The following PDSS2 variants were observed in gnomAD, a reference collection of about 807,000 sequenced individuals.
PDSS2 encodes all trans-polyprenyl-diphosphate synthase PDSS2.
PDSS2 carries 31 observed loss-of-function variants against 44.5 expected under a neutral mutation model. The observed-to-expected ratio is 0.70, with a 90% CI of 0.52 to 0.94. PDSS2 has a LOEUF of 0.94. Ranked by LOEUF, PDSS2 falls within the 40% of genes least tolerant of loss-of-function variation. PDSS2 has a pLI of 0.00. For synonymous variants in PDSS2, 157 were observed against 180.3 expected, an observed-to-expected ratio of 0.87 and a Z score of 1.03; for missense variants, 452 against 482.2, an observed-to-expected ratio of 0.94 and a Z score of 0.59.
intron 1 of PDSS2, among the ~76,000 whole-genome samples, chr6:107,406,803 T>TA (rs1562519554): frequency 1.3e-5 from 2 of 152,202 alleles, no homozygotes; most frequent in Non-Finnish European, 2.9e-5. Context: ...ACTATACTCT[T>TA]AAAGTTAAGC....
chr6:107,303,293 T>C (rs1240901491), intron 2 of PDSS2, among the ~76,000 whole-genome samples: 1 of 152,178 alleles, frequency 6.6e-6, no homozygotes, highest in East Asian at 1.9e-4. Context: ...CTAACACTGC[T>C]ACACTGGGGA....
intron 3 of PDSS2, among the ~76,000 whole-genome samples, chr6:107,263,335 C>T (rs1775308107): frequency 6.6e-6 from 1 of 152,084 alleles, no homozygotes; most frequent in South Asian, 2.1e-4. Context: ...CGCCTGTAAT[C>T]CCAGCTACTC....
At chr6:107,193,632 CAG>C (rs1772456057) in intron 7 of PDSS2, among the ~76,000 whole-genome samples, 188 bp downstream of exon 7, 1 of 152,060 alleles carries the variant, frequency 6.6e-6, no homozygotes, top group South Asian at 2.1e-4. Flanking sequence ...TGGAATGAAA[CAG>C]GTACTCAATA....
intron 7 of PDSS2, among the ~76,000 whole-genome samples, chr6:107,162,718 C>T (rs1771192581): frequency 6.7e-6 from 1 of 148,550 alleles, no homozygotes; most frequent in Non-Finnish European, 1.5e-5. Flanking sequence ...AATTCTCCTG[C>T]CTCAGCCTCC....
chr6:107,190,608 A>G (rs1452036086), intron 7 of PDSS2, among the ~76,000 whole-genome samples: 3 of 152,224 alleles, frequency 2.0e-5, no homozygotes. Flanking sequence ...GAAAGCACCT[A>G]ATCCAGCCTG....
intron 2 of PDSS2, among the ~76,000 whole-genome samples, chr6:107,315,362 AT>A (rs1366807408): frequency 1.3e-5 from 2 of 152,240 alleles, no homozygotes; most frequent in Non-Finnish European, 2.9e-5. Flanking sequence ...CAGGATAAAC[AT>A]TTGTAGCAAA....
At chr6:107,261,578 C>CTTTTTTTTT (rs36106088) in intron 3 of PDSS2, among the ~76,000 whole-genome samples, 9 of 112,808 alleles carry the variant, frequency 8.0e-5, no homozygotes, top group African/African-American at 1.2e-4. Flanking sequence ...TCTTTTCTTT[C>CTTTTTTTTT]TTTTTTTTTT....
intron 2 of PDSS2, among the ~76,000 whole-genome samples, chr6:107,313,816 A>C (rs1016415435): frequency 1.2e-4 from 19 of 152,174 alleles, no homozygotes; most frequent in Non-Finnish European, 1.8e-4. Context: ...TTTCGTATGA[A>C]ATAACATAAT....
chr6:107,459,135 G>C lies in PDSS2; in HGVS notation c.151C>G (p.Gln51Glu). ...RSSKSPAHWN[Q>E]VVSEAEKIVG... is the part of the protein sequence containing the mutation. ...ATCTTCTCCGCCTCTGACACTACCTGATTCCAGTGGGCCGGGGACTTGGAG... is the reference window on the plus strand; with the variant it reads ...ATCTTCTCCGCCTCTGACACTACCTCATTCCAGTGGGCCGGGGACTTGGAG... The change falls in exon 1 of 8, where the codon CAG becomes GAG. Residue 51 changes from glutamine (Q) to glutamate (E), a missense_variant. By Grantham distance (29) the Gln-to-Glu change is conservative (BLOSUM62 2). Transcript: ENST00000369037. The surrounding 1 kb of genome is among the most constrained non-coding windows in gnomAD (Gnocchi z 4.3). 6 of 1,614,162 alleles carry C rather than the reference G, an allele frequency of 3.7e-6. No homozygotes were observed. Among genetic ancestry groups the C allele is most frequent in the Non-Finnish European group, 5.1e-6 (6 of 1,180,040 alleles).
At chr6:107,400,179 G>A (rs1780064088) in intron 1 of PDSS2, among the ~76,000 whole-genome samples, 2 of 152,050 alleles carry the variant, frequency 1.3e-5, no homozygotes, top group South Asian at 2.1e-4. Context: ...TGGAGAGACT[G>A]TGAGAAGGAG....
chr6:107,318,916 A>G (rs1375416095), intron 2 of PDSS2, among the ~76,000 whole-genome samples: 2 of 152,104 alleles, frequency 1.3e-5, no homozygotes, highest in Non-Finnish European at 1.5e-5. Context: ...TGAACCCAGG[A>G]GACAGAGGTT....
chr6:107,249,116 A>G (rs957020568), intron 3 of PDSS2, among the ~76,000 whole-genome samples: 2 of 152,218 alleles, frequency 1.3e-5, no homozygotes, highest in Admixed American at 1.3e-4. Flanking sequence ...GCCAAGTTGC[A>G]TCAAACAAAT....
chr6:107,194,769 G>A (rs1029552144), intron 6 of PDSS2, among the ~76,000 whole-genome samples: 3 of 151,940 alleles, frequency 2.0e-5, no homozygotes, highest in Non-Finnish European at 4.4e-5. Flanking sequence ...TGGCCAAAAT[G>A]GTGAAACCCC....
intron 7 of PDSS2, among the ~76,000 whole-genome samples, chr6:107,157,029 T>C (rs1410677737): frequency 6.6e-6 from 1 of 152,180 alleles, no homozygotes; most frequent in African/African-American, 2.4e-5. Flanking sequence ...CCATCTACTA[T>C]GCTGCCAAGG....
At chr6:107,184,538 G>A (rs1412944438) in intron 7 of PDSS2, among the ~76,000 whole-genome samples, 2 of 152,222 alleles carry the variant, frequency 1.3e-5, no homozygotes, top group African/African-American at 4.8e-5. Flanking sequence ...AAATGCAAAT[G>A]TCTGTGGACA....
At chr6:107,434,609 G>A (rs1307860135) in intron 1 of PDSS2, among the ~76,000 whole-genome samples, 1 of 152,186 alleles carries the variant, frequency 6.6e-6, no homozygotes, top group African/African-American at 2.4e-5. Flanking sequence ...GGGAAGCATA[G>A]TGGCAGGTGG....
At chr6:107,417,944 T>C (rs953638687) in intron 1 of PDSS2, among the ~76,000 whole-genome samples, 5 of 151,974 alleles carry the variant, frequency 3.3e-5, no homozygotes, top group Non-Finnish European at 4.4e-5. Context: ...TACAGCAATT[T>C]AAAATGACAG....
chr6:107,393,459 A>G (rs1779847541), intron 1 of PDSS2, among the ~76,000 whole-genome samples: 1 of 152,172 alleles, frequency 6.6e-6, no homozygotes. Context: ...GCACTTAAAA[A>G]AAAGAATGTT....
chr6:107,284,252 T>G (rs934260191), intron 2 of PDSS2, among the ~76,000 whole-genome samples: 1 of 152,120 alleles, frequency 6.6e-6, no homozygotes, highest in Non-Finnish European at 1.5e-5. Flanking sequence ...TATTTACACT[T>G]TGTCATTTTT....
Sources: allele counts gnomAD v4.1 joint callset (sites outside exome capture counted in the v4.1 genomes callset), GRCh38; gene constraint gnomAD v4.1.1; non-coding constraint Gnocchi (gnomAD v3.1); transcripts MANE v1.5; gene names NCBI Gene and HGNC (gene_info 2026-07-23, HGNC 2026-07-21).